The following EYS variants were observed in gnomAD, a reference collection of about 807,000 sequenced individuals.
The protein encoded by EYS is EGF-like photoreceptor maintenance factor.
In EYS, 250 loss-of-function variants were observed where a neutral mutation model predicts 282.1. The ratio of observed to expected loss-of-function variants is 0.89; its 90% CI spans 0.80 to 0.98. EYS has a LOEUF of 0.98. Among genes scored for constraint, EYS ranks in the 50% least tolerant of loss-of-function variants. EYS has a pLI of 0.00. For missense variants in EYS, 4,016 were observed against 3,709.0 expected (o/e 1.08, Z -2.15); for synonymous variants, 1,355 against 1,282.9 (o/e 1.06, Z -1.20).
At chr6:64,175,819 C>G (rs1216997246) in intron 31 of EYS, among the ~76,000 whole-genome samples, 2 of 151,990 alleles carry the variant, frequency 1.3e-5, no homozygotes, top group African/African-American at 2.4e-5. Flanking sequence ...CTCCAGATGA[C>G]CTAAAACTAA....
chr6:65,261,613 A>G (rs1451228108), intron 12 of EYS, among the ~76,000 whole-genome samples: 1 of 152,084 alleles, frequency 6.6e-6, no homozygotes, highest in African/African-American at 2.4e-5. Context: ...TATAGATAAA[A>G]AATAAGAAGA....
At chr6:63,767,851 A>T (rs1769834319) in intron 40 of EYS, among the ~76,000 whole-genome samples, 1 of 152,200 alleles carries the variant, frequency 6.6e-6, no homozygotes, top group African/African-American at 2.4e-5. Flanking sequence ...TAACCAAAAT[A>T]GCATGGCACT....
At chr6:64,521,102 T>C (rs537031391) in intron 26 of EYS, among the ~76,000 whole-genome samples, 2 of 151,854 alleles carry the variant, frequency 1.3e-5, no homozygotes, top group South Asian at 4.1e-4. Context: ...CAGCTCAACA[T>C]TTGCCTTATC....
chr6:65,674,980 G>T (rs1297937316), intron 1 of EYS, among the ~76,000 whole-genome samples: 2 of 151,940 alleles, frequency 1.3e-5, no homozygotes, highest in Non-Finnish European at 2.9e-5. Flanking sequence ...TATGTGTGGA[G>T]GAGGAAGTAA....
At chr6:65,430,843 A>T (rs1767858769) in intron 5 of EYS, among the ~76,000 whole-genome samples, 1 of 152,150 alleles carries the variant, frequency 6.6e-6, no homozygotes, top group Non-Finnish European at 1.5e-5. Context: ...TTACCTGCTA[A>T]CTGAAGAGCC....
At chr6:65,119,587 T>C (rs1214380717) in intron 12 of EYS, among the ~76,000 whole-genome samples, 2 of 150,732 alleles carry the variant, frequency 1.3e-5, no homozygotes, top group Non-Finnish European at 3.0e-5. Flanking sequence ...TGCCACACTC[T>C]GGTAAAAAGA....
intron 22 of EYS, among the ~76,000 whole-genome samples, chr6:64,755,933 C>T (rs1051302365): frequency 6.6e-6 from 1 of 152,116 alleles, no homozygotes; most frequent in Non-Finnish European, 1.5e-5. Context: ...ATGTAAAATG[C>T]ATTTTGTGAA....
At chr6:65,524,395 G>A (rs936172869) in intron 2 of EYS, among the ~76,000 whole-genome samples, 2 of 152,202 alleles carry the variant, frequency 1.3e-5, no homozygotes, top group Non-Finnish European at 2.9e-5. Context: ...GAAACAGGAA[G>A]TAAGCATTTT....
chr6:64,968,518 C>A (rs974019939), intron 14 of EYS, among the ~76,000 whole-genome samples: 2 of 152,176 alleles, frequency 1.3e-5, no homozygotes, highest in Non-Finnish European at 2.9e-5. Context: ...TCCAATCAAT[C>A]TCTTTCTCCT....
intron 8 of EYS, among the ~76,000 whole-genome samples, chr6:65,365,296 T>C (rs1764872740): frequency 6.6e-6 from 1 of 151,682 alleles, no homozygotes; most frequent in Admixed American, 6.7e-5. Flanking sequence ...GTTTTGGCCC[T>C]CCATCTGCCT....
At position 63,994,682 on chromosome 6, in the gene EYS, C is replaced by T. The variant is rs574074747; in HGVS notation, c.6834+4393G>A. 2.6e-5 allele frequency among the ~76,000 whole-genome samples: 4 copies of T among 152,044 alleles called. No individual in the cohort carries two copies. In the South Asian group the frequency reaches 8.3e-4, roughly 32 times the overall value. ...TTTCAAGAAGGTAACCCCTACTCATCATCAAGAATCAATTTGTTCAGCTCT... is the reference window on the plus strand; with the variant it reads ...TTTCAAGAAGGTAACCCCTACTCATTATCAAGAATCAATTTGTTCAGCTCT... On this transcript the variant is annotated intron_variant, in intron 34 of 42. Transcript: ENST00000503581.
intron 12 of EYS, among the ~76,000 whole-genome samples, chr6:65,205,049 A>C (rs1359450302): frequency 1.5e-5 from 2 of 132,132 alleles, no homozygotes; most frequent in African/African-American, 3.1e-5. Context: ...ATATTCTAGA[A>C]GAATATATTT....
At chr6:64,877,405 G>A (rs1414846766) in intron 19 of EYS, among the ~76,000 whole-genome samples, 1 of 152,120 alleles carries the variant, frequency 6.6e-6, no homozygotes, top group African/African-American at 2.4e-5. Flanking sequence ...GGAATTATTA[G>A]TATATTTATG....
intron 31 of EYS, among the ~76,000 whole-genome samples, chr6:64,087,229 T>A (rs533517092): frequency 4.8e-4 from 73 of 152,262 alleles, no homozygotes; most frequent in African/African-American, 1.7e-3. Context: ...CACTAATGAA[T>A]TCAACGCATT....
chr6:65,456,122 T>G (rs529682406), intron 5 of EYS, among the ~76,000 whole-genome samples: 1 of 151,778 alleles, frequency 6.6e-6, no homozygotes, highest in East Asian at 1.9e-4. Context: ...TACAAAAAAT[T>G]TCAGCAATAT....
chr6:64,883,834 C>G (rs111958482), intron 19 of EYS, among the ~76,000 whole-genome samples: 1 of 101,908 alleles, frequency 9.8e-6, no homozygotes, highest in African/African-American at 3.8e-5. Context: ...ACTACCACTA[C>G]GTGTGTAAAT....
At chr6:65,202,976 G>T (rs1364908465) in intron 12 of EYS, among the ~76,000 whole-genome samples, 1 of 152,098 alleles carries the variant, frequency 6.6e-6, no homozygotes, top group Non-Finnish European at 1.5e-5. Context: ...AGAGAGCCTG[G>T]CTGCCAGCTC....
At chr6:64,244,857 T>C (rs1308581392) in intron 30 of EYS, among the ~76,000 whole-genome samples, 1 of 152,218 alleles carries the variant, frequency 6.6e-6, no homozygotes, top group Non-Finnish European at 1.5e-5. Context: ...CTTTAAGTTC[T>C]AGGGTATATG....
At chr6:63,799,999 G>C (rs554103788) in intron 37 of EYS, among the ~76,000 whole-genome samples, 8 of 152,292 alleles carry the variant, frequency 5.3e-5, no homozygotes, top group East Asian at 3.9e-4. Context: ...GAGCCTGGGC[G>C]GGGGAGAATG....
Sources: allele counts gnomAD v4.1 joint callset (sites outside exome capture counted in the v4.1 genomes callset), GRCh38; gene constraint gnomAD v4.1.1; transcripts MANE v1.5; gene names NCBI Gene and HGNC (gene_info 2026-07-23, HGNC 2026-07-21).